GFOD1: variants seen among roughly 807,000 people sequenced by gnomAD.
GFOD1 encodes the protein Gfo/Idh/MocA-like oxidoreductase domain containing 1.
A neutral mutation model predicts 25.4 loss-of-function variants in GFOD1; 9 were observed. That is an observed-to-expected ratio of 0.35 (90% CI 0.21 to 0.62). The LOEUF is 0.62. Among genes scored for constraint, GFOD1 ranks in the 20% least tolerant of loss-of-function variants. GFOD1 has a pLI of 0.72. For missense variants in GFOD1, 403 were observed against 556.9 expected, an observed-to-expected ratio of 0.72 and a Z score of 2.78; for synonymous variants, 253 against 245.6, an observed-to-expected ratio of 1.03 and a Z score of -0.28.
intron 1 of GFOD1, among the ~76,000 whole-genome samples, chr6:13,423,853 T>C (rs955854239): frequency 6.6e-6 from 1 of 150,910 alleles, no homozygotes; most frequent in Non-Finnish European, 1.5e-5. Context: ...TCCTTTCTTT[T>C]TGTTTGTTTT....
chr6:13,428,690 C>T (rs1447544688), intron 1 of GFOD1, among the ~76,000 whole-genome samples: 1 of 87,894 alleles, frequency 1.1e-5, no homozygotes, highest in Non-Finnish European at 3.5e-5. Flanking sequence ...TGAGGGAGTC[C>T]AGGCCCCCTC....
At position 13,357,983 on chromosome 6, in the gene GFOD1, T is replaced by C. The variant is rs1784892972; in HGVS notation, c.*6760A>G. ...CTCCGAGCATCGAGCATCGCAGAGA[T>C]CACAACGGGCATCAGCTCTGGAGCT... On this transcript the variant is annotated 3_prime_UTR_variant, in exon 2 of 2. Coordinates refer to ENST00000379287, the MANE Select transcript of GFOD1 (RefSeq NM_018988.4). 6.6e-6 allele frequency: 1 copy of C among 152,262 alleles called. No homozygotes were observed. The highest frequency in any genetic ancestry group is 2.1e-4 in the South Asian group (1 of 4,836). The allele number at this position is 152,262 out of a possible 1,614,324, so 9.4% of individuals were successfully genotyped here. A position where few individuals can be genotyped will look rare whatever the true frequency, so the allele number is the denominator to read the frequency against.
chr6:13,406,554 GAGA>G (rs1233907163), intron 1 of GFOD1, among the ~76,000 whole-genome samples: 3 of 152,214 alleles, frequency 2.0e-5, no homozygotes, highest in African/African-American at 7.2e-5. Flanking sequence ...AGAGTGAGAA[GAGA>G]AGAATTCTAT....
At chr6:13,368,669 A>G (rs532736649) in intron 1 of GFOD1, among the ~76,000 whole-genome samples, 2 of 152,350 alleles carry the variant, frequency 1.3e-5, no homozygotes, top group South Asian at 2.1e-4. Flanking sequence ...GCTATTGGTC[A>G]TATTAATGGC....
chr6:13,462,852 C>T (rs936394962), intron 1 of GFOD1, among the ~76,000 whole-genome samples: 3 of 152,214 alleles, frequency 2.0e-5, no homozygotes, highest in East Asian at 1.9e-4. Context: ...CTGTCATCTC[C>T]GTTCGTAACA....
chr6:13,372,255 C>A lies in GFOD1; in HGVS notation c.254-6593G>T, dbSNP rs549754061. On this transcript the variant is annotated intron_variant, in intron 1 of 1. Transcript: ENST00000379287. ...GCAAGGCAGTGTGCCTGATCTTCATCAGAAGCTTTTAAGTTAAATAATTTC... is the reference window on the plus strand; with the variant it reads ...GCAAGGCAGTGTGCCTGATCTTCATAAGAAGCTTTTAAGTTAAATAATTTC... Among the ~76,000 whole-genome samples the A allele has an allele frequency of 2.0e-5, 3 of 152,322 alleles. No homozygotes were observed. The South Asian group carries it at 6.2e-4, about 32-fold the overall frequency.
At chr6:13,370,516 G>A (rs1785129381) in intron 1 of GFOD1, among the ~76,000 whole-genome samples, 1 of 151,774 alleles carries the variant, frequency 6.6e-6, no homozygotes, top group Admixed American at 6.6e-5. Flanking sequence ...TCTGCATTCT[G>A]GACAGTCTTC....
chr6:13,475,404 T>A (rs1221924750), intron 1 of GFOD1, among the ~76,000 whole-genome samples: 1 of 151,612 alleles, frequency 6.6e-6, no homozygotes, highest in Non-Finnish European at 1.5e-5. Context: ...TGAAAACCCA[T>A]CTCTACTAAA....
chr6:13,470,673 A>C, intron 1 of GFOD1: 1 of 1,438,850 alleles, frequency 6.9e-7, no homozygotes, highest in South Asian at 1.5e-5. Context: ...AACACATCTC[A>C]TTTTCTACCA....
intron 1 of GFOD1, among the ~76,000 whole-genome samples, chr6:13,456,315 C>T (rs1027472096): frequency 6.6e-6 from 1 of 152,090 alleles, no homozygotes; most frequent in Non-Finnish European, 1.5e-5. Flanking sequence ...GCTGGGACTA[C>T]AGGCATCCAC....
intron 1 of GFOD1, among the ~76,000 whole-genome samples, chr6:13,386,060 CT>C (rs5874414): frequency 0.48 from 61,538 of 127,710 alleles, 13,396 homozygotes; most frequent in East Asian, 0.63. Context: ...TGGGTAATTC[CT>C]TTTTTTTTTT....
rs1785002842 is a variant in GFOD1 at position 13,364,630 on chromosome 6, C to T, written c.*113G>A. 1 of 871,370 alleles carries T rather than the reference C, an allele frequency of 1.1e-6. No individual in the cohort carries two copies. The highest frequency in any genetic ancestry group is 2.6e-5 in the Admixed American group (1 of 38,668). 54.0% of individuals were successfully genotyped at this position (871,370 alleles called of 1,614,324 possible). The stretch of plus-strand genomic sequence containing the variant: ...CCTAGATGCCATTTATTCACACTGT[C>T]CCTCCACCTCCCTGATCCCCACATT... On this transcript the variant is annotated 3_prime_UTR_variant, in exon 2 of 2. Transcript: ENST00000379287. The surrounding 1 kb of genome is among the most constrained non-coding windows in gnomAD (Gnocchi z 4.1).
rs534666368 is a variant in GFOD1, at chr6:13,392,386, G to GT, written c.254-26725dup. Among the ~76,000 whole-genome samples the GT allele has an allele frequency of 1.0e-4, 15 of 148,822 alleles. No individual in the cohort carries two copies. In the South Asian group the frequency reaches 3.2e-3, roughly 32 times the overall value. ...AAAGAAAAGAGAAAAAAGAAAATCTGTTTCCTCTGGTCAGTGTGTTTTGAA... is the reference window on the plus strand; with the variant it reads ...AAAGAAAAGAGAAAAAAGAAAATCTGTTTTCCTCTGGTCAGTGTGTTTTGAA... On this transcript the variant is annotated intron_variant, in intron 1 of 1. Transcript: ENST00000379287.
At chr6:13,482,436 G>A (rs1426335579) in intron 1 of GFOD1, among the ~76,000 whole-genome samples, 1 of 152,010 alleles carries the variant, frequency 6.6e-6, no homozygotes, top group Non-Finnish European at 1.5e-5. Flanking sequence ...GCTACCAACT[G>A]TGTAAAAGGT....
At chr6:13,408,864 C>T (rs1785994344) in intron 1 of GFOD1, among the ~76,000 whole-genome samples, 1 of 151,886 alleles carries the variant, frequency 6.6e-6, no homozygotes, top group African/African-American at 2.4e-5. Flanking sequence ...GTGGGTGGAT[C>T]ACTTTGAGGT....
At chr6:13,459,175 C>G in intron 1 of GFOD1, among the ~76,000 whole-genome samples, 1 of 152,070 alleles carries the variant, frequency 6.6e-6, no homozygotes, top group Non-Finnish European at 1.5e-5. Flanking sequence ...ACCAATGGAA[C>G]AGAATAGAGA....
At chr6:13,432,338 C>T (rs982249198) in intron 1 of GFOD1, among the ~76,000 whole-genome samples, 1 of 151,818 alleles carries the variant, frequency 6.6e-6, no homozygotes, top group African/African-American at 2.4e-5. Context: ...CTTAACCTCC[C>T]AAGTAGCTGG....
chr6:13,452,571 C>T (rs190109506), intron 1 of GFOD1, among the ~76,000 whole-genome samples: 1 of 152,306 alleles, frequency 6.6e-6, no homozygotes, highest in East Asian at 1.9e-4. Context: ...GCTGTGTCCT[C>T]ACAGCAACAT....
intron 1 of GFOD1, among the ~76,000 whole-genome samples, chr6:13,452,538 C>G (rs1469030164): frequency 1.3e-5 from 2 of 152,194 alleles, no homozygotes; most frequent in Admixed American, 1.3e-4. Context: ...CGCTCCCTTC[C>G]TGTTTACAGG....
Sources: gnomAD v4.1 joint callset for allele counts (sites outside exome capture counted in the v4.1 genomes callset) on GRCh38, gnomAD v4.1.1 for gene constraint, Gnocchi (gnomAD v3.1) non-coding constraint, MANE v1.5 for transcripts, NCBI Gene and HGNC (gene_info 2026-07-23, HGNC 2026-07-21) for gene names.